Variants in FGL1 observed in about 807,000 individuals in gnomAD.
FGL1 encodes fibrinogen like 1, also known as fibrinogen-like protein 1.
A neutral mutation model predicts 43.7 loss-of-function variants in FGL1; 59 were observed. That is an observed-to-expected ratio of 1.35 (90% CI 1.10 to 1.68). FGL1 has a LOEUF of 1.68. Among genes scored for constraint, FGL1 ranks in the 40% most tolerant of loss-of-function variants. FGL1 has a pLI of 0.00. For synonymous variants in FGL1, 192 were observed against 126.5 expected (o/e 1.52, Z -3.48); for missense variants, 596 against 373.0 (o/e 1.60, Z -4.92).
chr8:17,869,186 T>C (rs1213389073), intron 5 of FGL1, among the ~76,000 whole-genome samples, 182 bp from the exon 6 acceptor site: 1 of 152,210 alleles, frequency 6.6e-6, no homozygotes, highest in East Asian at 1.9e-4. Flanking sequence ...TCGTGTAATT[T>C]ATTTGAAAAA....
chr8:17,864,680 A>G lies in FGL1; in HGVS notation c.851T>C (p.Val284Ala), dbSNP rs1435434944. ...PYTAKTDNGI[V>A]WYTWHGWWYS... Reference sequence around the variant, plus strand: ...CCACCACCCATGCCAGGTGTACCAGACAATCCCATTGTCTGTTTTAGCCGT... The same window carrying G: ...CCACCACCCATGCCAGGTGTACCAGGCAATCCCATTGTCTGTTTTAGCCGT... The change falls in exon 8 of 8, where the codon GTC becomes GCC. Residue 284 changes from valine to alanine, a missense_variant. Val to Ala is a moderately conservative substitution (Grantham distance 64). Coordinates refer to ENST00000427924, the MANE Select transcript of FGL1 (RefSeq NM_004467.4). 1.1e-5 allele frequency: 18 copies of G among 1,613,616 alleles called. No individual in the cohort carries two copies. The highest frequency in any genetic ancestry group is 1.4e-5 in the Non-Finnish European group (17 of 1,179,928).
intron 7 of FGL1, 79 bp downstream of exon 7, chr8:17,868,469 T>A: frequency 9.6e-7 from 1 of 1,039,850 alleles, no homozygotes; most frequent in East Asian, 2.6e-5. Context: ...AACATTACCA[T>A]ACATATTATA....
At chr8:17,872,416 C>A (rs960508404) in intron 5 of FGL1, among the ~76,000 whole-genome samples, 1 of 150,924 alleles carries the variant, frequency 6.6e-6, no homozygotes, top group Admixed American at 6.6e-5. Flanking sequence ...AATTCTCCTG[C>A]CTCAGCCTCC....
intron 5 of FGL1, among the ~76,000 whole-genome samples, chr8:17,869,638 A>T (rs2053326345): frequency 6.6e-6 from 1 of 152,172 alleles, no homozygotes; most frequent in Non-Finnish European, 1.5e-5. Context: ...AAGTATGTAG[A>T]GTGGATGTCA....
chr8:17,875,149 A>T (rs2053426118), intron 3 of FGL1, among the ~76,000 whole-genome samples: 1 of 152,202 alleles, frequency 6.6e-6, no homozygotes, highest in African/African-American at 2.4e-5. Context: ...ACATCTGAAA[A>T]TGAACCCAAA....
At chr8:17,875,849 C>T (rs1321791527) in intron 3 of FGL1, among the ~76,000 whole-genome samples, 2 of 152,054 alleles carry the variant, frequency 1.3e-5, no homozygotes, top group East Asian at 1.9e-4. Flanking sequence ...TCAGGCCATC[C>T]GCCCGCCTCG....
Position 17,880,012 on chromosome 8 carries a change from T to C in FGL1, c.244+1987A>G, listed in dbSNP as rs1585139674. On this transcript the variant is annotated intron_variant, in intron 3 of 7. Transcript: ENST00000427924. Reference sequence around the variant, plus strand: ...CCTCGCCCTTGAGATCAGCTTTGTATGTTCTTTTGGGATCACTTATCTGTA... The same window carrying C: ...CCTCGCCCTTGAGATCAGCTTTGTACGTTCTTTTGGGATCACTTATCTGTA... Among the ~76,000 whole-genome samples, 4 of 152,344 alleles carry C rather than the reference T, an allele frequency of 2.6e-5. No homozygotes were observed. The East Asian group carries it at 5.8e-4, about 22-fold the overall frequency.
At chr8:17,867,614 A>G (rs2053289586) in intron 7 of FGL1, among the ~76,000 whole-genome samples, 1 of 152,246 alleles carries the variant, frequency 6.6e-6, no homozygotes, top group Non-Finnish European at 1.5e-5. Context: ...TGATTCGAAC[A>G]CGAGCACTAT....
intron 3 of FGL1, among the ~76,000 whole-genome samples, chr8:17,879,793 C>T (rs1394926911): frequency 6.6e-6 from 1 of 152,174 alleles, no homozygotes; most frequent in East Asian, 1.9e-4. Flanking sequence ...CGGACTAATA[C>T]AGCACTTAAG....
intron 7 of FGL1, among the ~76,000 whole-genome samples, chr8:17,867,547 C>T (rs76344739): frequency 0.021 from 3,169 of 152,290 alleles, 58 homozygotes; most frequent in South Asian, 0.049. Flanking sequence ...GATTATATAA[C>T]AATATGTCAG....
intron 1 of FGL1, 88 bp from the exon 2 acceptor site, chr8:17,885,659 G>C (rs932893108): frequency 9.4e-7 from 1 of 1,066,176 alleles, no homozygotes; most frequent in Non-Finnish European, 1.4e-6. Flanking sequence ...CCAGGAAGTC[G>C]GATGCAGCCG....
At chr8:17,883,426 A>G (rs1283864925) in intron 2 of FGL1, among the ~76,000 whole-genome samples, 2 of 63,748 alleles carry the variant, frequency 3.1e-5, no homozygotes, top group Non-Finnish European at 6.4e-5. Flanking sequence ...AATATATAAT[A>G]TGAATATATA....
At chr8:17,890,676 A>G (rs1489638396) in intron 1 of FGL1, among the ~76,000 whole-genome samples, 1 of 152,172 alleles carries the variant, frequency 6.6e-6, no homozygotes, top group Non-Finnish European at 1.5e-5. Context: ...GGTAATTTAT[A>G]AAGGAAAAAG....
chr8:17,890,782 G>A (rs144294383), intron 1 of FGL1, among the ~76,000 whole-genome samples: 1 of 152,084 alleles, frequency 6.6e-6, no homozygotes, highest in African/African-American at 2.4e-5. Flanking sequence ...TTCACATGAT[G>A]GCAGGAAGGG....
intron 3 of FGL1, among the ~76,000 whole-genome samples, chr8:17,879,081 G>GA: frequency 6.6e-6 from 1 of 151,062 alleles, no homozygotes; most frequent in Admixed American, 6.6e-5. Context: ...ATTAATATAT[G>GA]AAAAATATTG....
At chr8:17,883,731 C>T (rs2053585367) in intron 2 of FGL1, among the ~76,000 whole-genome samples, 1 of 147,496 alleles carries the variant, frequency 6.8e-6, no homozygotes, top group Admixed American at 6.9e-5. Context: ...CCCTCCCTCC[C>T]ATCTCTAGGT....
At chr8:17,865,185 T>A (rs2053252557) in intron 7 of FGL1, among the ~76,000 whole-genome samples, 1 of 152,184 alleles carries the variant, frequency 6.6e-6, no homozygotes, top group Non-Finnish European at 1.5e-5. Context: ...AGCATTTCAA[T>A]TTTTGATTTT....
At chr8:17,867,078 T>A (rs1368425416) in intron 7 of FGL1, among the ~76,000 whole-genome samples, 1 of 152,140 alleles carries the variant, frequency 6.6e-6, no homozygotes, top group Non-Finnish European at 1.5e-5. Context: ...AATGTTTTTT[T>A]AAAAAAGCAA....
At chr8:17,890,752 G>T (rs2053692241) in intron 1 of FGL1, among the ~76,000 whole-genome samples, 1 of 152,106 alleles carries the variant, frequency 6.6e-6, no homozygotes, top group African/African-American at 2.4e-5. Context: ...GTGGTGGAAG[G>T]GGAAGCAAAC....
Sources: allele counts gnomAD v4.1 joint callset (sites outside exome capture counted in the v4.1 genomes callset), GRCh38; gene constraint gnomAD v4.1.1; transcripts MANE v1.5; gene names NCBI Gene and HGNC (gene_info 2026-07-23, HGNC 2026-07-21).